Variants in RAD51B observed in about 807,000 individuals in gnomAD.
The protein encoded by RAD51B is DNA repair protein RAD51 homolog 2.
In RAD51B, 38 loss-of-function variants were observed where a neutral mutation model predicts 42.2. The ratio of observed to expected loss-of-function variants is 0.90; its 90% CI spans 0.70 to 1.18. RAD51B has a LOEUF of 1.18. Ranked by LOEUF, RAD51B falls within the 50% of genes most tolerant of loss-of-function variation. The pLI, the probability that RAD51B is intolerant of heterozygous loss-of-function variation, is 0.00. For synonymous variants in RAD51B, 154 were observed against 145.2 expected (o/e 1.06, Z -0.43); for missense variants, 373 against 400.7 (o/e 0.93, Z 0.59).
chr14:68,367,771 G>C (rs2083173223), intron 8 of RAD51B, among the ~76,000 whole-genome samples: 1 of 152,224 alleles, frequency 6.6e-6, no homozygotes, highest in African/African-American at 2.4e-5. Context: ...TTTTAAAGGA[G>C]AAGGATCAAG....
At chr14:67,867,577 A>G (rs2042369669) in intron 5 of RAD51B, among the ~76,000 whole-genome samples, 1 of 152,166 alleles carries the variant, frequency 6.6e-6, no homozygotes. Context: ...TAGATTTCTC[A>G]CTGAGTCACC....
Position 67,865,005 on chromosome 14 carries a change from T to C in RAD51B, c.318T>C (p.Ile106=). ...TTTTTTTTTTTTTTTTTTTTTAGAT[T>C]ACAGGTCCACCAGGTTGTGGAAAAA... ...GGVACGSLTE[I]TGPPGCGKTQ... Residue 106 remains isoleucine, a splice_region_variant and synonymous_variant, in exon 5 of 11, where the codon ATT becomes ATC. Coordinates refer to ENST00000471583, the MANE Select transcript of RAD51B (RefSeq NM_133510.4). 1 of 521,752 alleles carries C rather than the reference T, an allele frequency of 1.9e-6. No homozygotes were observed. The highest frequency in any genetic ancestry group is 3.2e-6 in the Non-Finnish European group (1 of 312,914). 32.3% of individuals were successfully genotyped at this position (521,752 alleles called of 1,614,324 possible).
chr14:68,500,524 T>C (rs1357068270), intron 10 of RAD51B, among the ~76,000 whole-genome samples: 4 of 152,264 alleles, frequency 2.6e-5, no homozygotes, highest in Non-Finnish European at 5.9e-5. Context: ...TATTGATGTA[T>C]GTATTTTACT....
At chr14:68,650,375 T>C (rs1892675591) in intron 10 of RAD51B, among the ~76,000 whole-genome samples, 1 of 152,204 alleles carries the variant, frequency 6.6e-6, no homozygotes, top group African/African-American at 2.4e-5. Context: ...GGGACATTAA[T>C]GAACAAGCAG....
At chr14:67,851,252 T>G (rs959662095) in intron 4 of RAD51B, among the ~76,000 whole-genome samples, 2 of 152,074 alleles carry the variant, frequency 1.3e-5, no homozygotes, top group Non-Finnish European at 2.9e-5. Context: ...ACTTCCTCTA[T>G]GAGTCTTGAT....
intron 7 of RAD51B, among the ~76,000 whole-genome samples, chr14:67,961,233 TG>T (rs1380738344): frequency 6.6e-6 from 1 of 152,128 alleles, no homozygotes; most frequent in Non-Finnish European, 1.5e-5. Flanking sequence ...CTCAAACTTC[TG>T]GGCTCAAGCA....
intron 7 of RAD51B, among the ~76,000 whole-genome samples, chr14:68,159,070 T>C (rs1221610514): frequency 1.3e-5 from 2 of 152,124 alleles, no homozygotes; most frequent in Non-Finnish European, 2.9e-5. Context: ...ACAGGGAAAC[T>C]AATGCTCCCA....
intron 7 of RAD51B, among the ~76,000 whole-genome samples, chr14:68,179,397 C>T (rs1052425917): frequency 6.6e-6 from 1 of 152,124 alleles, no homozygotes; most frequent in African/African-American, 2.4e-5. Flanking sequence ...AAAAAGTTCG[C>T]AAACTACTTG....
In RAD51B at chr14:68,333,890, A is replaced by G. The variant is rs76640578; in HGVS notation, c.853+41910A>G. On this transcript the variant is annotated intron_variant, in intron 8 of 10. Transcript: ENST00000471583. Reference sequence around the variant, plus strand: ...TCTTGAAATTTATTCCTCTTGTCTCATTGCAATTGTGTATCCTTTGACCAA... The same window carrying G: ...TCTTGAAATTTATTCCTCTTGTCTCGTTGCAATTGTGTATCCTTTGACCAA... Among the ~76,000 whole-genome samples, 88 of 152,132 alleles carry G rather than the reference A, an allele frequency of 5.8e-4. 1 individual carries two copies. In the East Asian group the frequency reaches 0.014, roughly 25 times the overall value.
chr14:67,823,438 A>G, intron 1 of RAD51B, 104 bp from the exon 2 acceptor site: 2 of 833,250 alleles, frequency 2.4e-6, no homozygotes, highest in Non-Finnish European at 3.8e-6. Flanking sequence ...ATATGGAGAA[A>G]CTTGAGGAAT....
intron 7 of RAD51B, among the ~76,000 whole-genome samples, chr14:68,213,096 A>G (rs1195151582): frequency 6.6e-6 from 1 of 152,204 alleles, no homozygotes; most frequent in African/African-American, 2.4e-5. Context: ...CTCATTAAAA[A>G]TTTCTGACGA....
At chr14:68,660,298 A>C (rs147361876) in intron 11 of RAD51B, among the ~76,000 whole-genome samples, 2 of 152,254 alleles carry the variant, frequency 1.3e-5, no homozygotes. Context: ...CGTGCTGCTG[A>C]GTAGCTTTTA....
intron 7 of RAD51B, among the ~76,000 whole-genome samples, chr14:68,161,727 TA>T: frequency 6.6e-6 from 1 of 152,232 alleles, no homozygotes; most frequent in Admixed American, 6.5e-5. Context: ...GATAGGATCT[TA>T]ACTTTGACCC....
chr14:68,029,469 A>G (rs76069234), intron 7 of RAD51B, among the ~76,000 whole-genome samples: 3,953 of 152,318 alleles, frequency 0.026, 100 homozygotes, highest in African/African-American at 0.063. Flanking sequence ...AGATAGATCC[A>G]TAACTCTTTT....
intron 7 of RAD51B, among the ~76,000 whole-genome samples, chr14:68,243,983 C>A (rs1308087799): frequency 5.3e-5 from 8 of 152,106 alleles, no homozygotes; most frequent in Admixed American, 2.0e-4. Flanking sequence ...AAACTGATGT[C>A]TTTTCGTGAT....
At chr14:68,450,501 G>A (rs1382637593) in intron 9 of RAD51B, among the ~76,000 whole-genome samples, 1 of 152,138 alleles carries the variant, frequency 6.6e-6, no homozygotes, top group Non-Finnish European at 1.5e-5. Context: ...TTATAGGCGT[G>A]AACCACCACG....
chr14:68,083,128 T>G (rs1029451690), intron 7 of RAD51B, among the ~76,000 whole-genome samples: 1 of 152,182 alleles, frequency 6.6e-6, no homozygotes. Flanking sequence ...GAGATTCAAA[T>G]AGCGTTCATG....
chr14:68,339,067 C>A (rs1032367147), intron 8 of RAD51B: 2 of 676,808 alleles, frequency 3.0e-6, no homozygotes, highest in South Asian at 2.9e-5. Context: ...GCAGTCATCA[C>A]CAGCTGAGCT....
At chr14:68,471,714 A>G (rs1411003723) in intron 10 of RAD51B, among the ~76,000 whole-genome samples, 1 of 151,506 alleles carries the variant, frequency 6.6e-6, no homozygotes, top group Non-Finnish European at 1.5e-5. Context: ...AAAAGGAAGA[A>G]AAAAAGTAAA....
Sources: allele counts gnomAD v4.1 joint callset (sites outside exome capture counted in the v4.1 genomes callset), GRCh38; gene constraint gnomAD v4.1.1; transcripts MANE v1.5; gene names NCBI Gene and HGNC (gene_info 2026-07-23, HGNC 2026-07-21).